The following UNC79 variants were observed in gnomAD, a reference collection of about 807,000 sequenced individuals.
UNC79 encodes protein unc-79 homolog.
UNC79 carries 37 observed loss-of-function variants against 283.1 expected under a neutral mutation model. The observed-to-expected ratio is 0.13, with a 90% CI of 0.10 to 0.17. The LOEUF is 0.17. Ranked by LOEUF, UNC79 falls within the 10% of genes least tolerant of loss-of-function variation. The pLI is 1.00. For missense variants in UNC79, 2,272 were observed against 3,211.1 expected (o/e 0.71, Z 7.07); for synonymous variants, 1,107 against 1,200.2 (o/e 0.92, Z 1.61).
chr14:93,524,019 G>T, exon 8 of UNC79: 2 of 1,614,124 alleles, frequency 1.2e-6, no homozygotes, highest in Non-Finnish European at 1.7e-6. Context: ...ATGCCACAAT[G>T]CAATTAACAA....
At position 93,601,329 on chromosome 14, in the gene UNC79, A is replaced by G. The variant is rs1194299381; in HGVS notation, c.3574+559A>G. On this transcript the variant is annotated intron_variant, in intron 25 of 48. Transcript: ENST00000555664. ...TTTGCATCCTCATAGCTTAGCTCCC[A>G]CTTACAAGTGAGAACATACGATATT... Among the ~76,000 whole-genome samples, 7 of 149,866 alleles carry G rather than the reference A, an allele frequency of 4.7e-5. No individual in the cohort carries two copies. In the Admixed American group the frequency reaches 4.7e-4, roughly 10 times the overall value.
At chr14:93,425,168 G>A (rs1241817725) in intron 1 of UNC79, among the ~76,000 whole-genome samples, 1 of 152,134 alleles carries the variant, frequency 6.6e-6, no homozygotes, top group Non-Finnish European at 1.5e-5. Flanking sequence ...CAATCATGGT[G>A]GAAGGGGAAG....
At chr14:93,692,703 G>A (rs921175402) in intron 46 of UNC79, among the ~76,000 whole-genome samples, 1 of 152,192 alleles carries the variant, frequency 6.6e-6, no homozygotes, top group Non-Finnish European at 1.5e-5. Flanking sequence ...CAAGAAAGGG[G>A]CTGTTCCAGA....
Position 93,582,810 on chromosome 14 carries a change from C to T in UNC79, c.2803+466C>T, listed in dbSNP as rs547675145. Among the ~76,000 whole-genome samples the T allele has an allele frequency of 1.7e-3, 262 of 152,086 alleles. 3 individuals are homozygous for T. Among genetic ancestry groups the T allele is most frequent in the African/African-American group, 6.0e-3 (250 of 41,478 alleles). ...ATTTGTCTCAAAGCTCTTGGGTGGA[C>T]GCAATGGGGGCAGTGAGATGGCAGA... On this transcript the variant is annotated intron_variant, in intron 20 of 48. Transcript: ENST00000555664.
intron 7 of UNC79, among the ~76,000 whole-genome samples, chr14:93,508,642 C>T (rs1431709871): frequency 1.3e-5 from 2 of 151,874 alleles, no homozygotes; most frequent in African/African-American, 4.8e-5. Context: ...TTTTTTATGC[C>T]ATTGTAAATG....
rs542091000 is a variant in UNC79, at chr14:93,474,281, G to A, written c.336G>A (p.Pro112=). Residue 112 remains proline (P), a synonymous_variant, in exon 3 of 49, where the codon CCG becomes CCA. Transcript: ENST00000555664. This position sits in a 1 kb window ranked among gnomAD's most constrained non-coding sequence, Gnocchi z 4.1. Reference sequence around the variant, plus strand: ...GAGATGCTCCCTCAGAACGCGGCCCGCAAAGTCGTGATGCTCAGTTGTCAG... The same window carrying A: ...GAGATGCTCCCTCAGAACGCGGCCCACAAAGTCGTGATGCTCAGTTGTCAG... 26 of 1,535,948 alleles carry A rather than the reference G, an allele frequency of 1.7e-5. No homozygotes were observed. Among genetic ancestry groups the A allele is most frequent in the East Asian group, 7.3e-5 (3 of 40,916 alleles).
At chr14:93,504,348 A>T (rs2059433416) in intron 7 of UNC79, among the ~76,000 whole-genome samples, 1 of 151,956 alleles carries the variant, frequency 6.6e-6, no homozygotes, top group African/African-American at 2.4e-5. Context: ...TGTCAAGTTA[A>T]ACATATACAA....
intron 10 of UNC79, among the ~76,000 whole-genome samples, chr14:93,530,864 G>C (rs1486079901): frequency 6.6e-6 from 1 of 150,796 alleles, no homozygotes; most frequent in Non-Finnish European, 1.5e-5. Flanking sequence ...AGCCGAGATC[G>C]CCCCACTGCA....
chr14:93,593,564 A>G (rs1292009578), intron 22 of UNC79, 116 bp from the exon 23 acceptor site: 10 of 1,271,472 alleles, frequency 7.9e-6, no homozygotes, highest in Non-Finnish European at 1.1e-5. Context: ...TCATTTCACC[A>G]AAAGCACCCC....
chr14:93,565,394 T>C (rs1184478675), intron 14 of UNC79, among the ~76,000 whole-genome samples: 1 of 152,062 alleles, frequency 6.6e-6, no homozygotes, highest in Non-Finnish European at 1.5e-5. Flanking sequence ...ATAGACAAGG[T>C]GAGCTATTTT....
chr14:93,347,154 C>T, intron 1 of UNC79: 2 of 1,298,414 alleles, frequency 1.5e-6, no homozygotes, highest in Non-Finnish European at 2.1e-6. Flanking sequence ...CAGAGCGCCC[C>T]CTCGTGGCTG....
intron 40 of UNC79, 80 bp downstream of exon 43, chr14:93,662,794 CT>C (rs1229963441): frequency 2.7e-6 from 3 of 1,099,344 alleles, no homozygotes; most frequent in Non-Finnish European, 3.9e-6. Flanking sequence ...TGTCAAGTCC[CT>C]TTTAGCTCAG....
At chr14:93,506,763 A>G (rs1332056198) in intron 7 of UNC79, among the ~76,000 whole-genome samples, 2 of 152,178 alleles carry the variant, frequency 1.3e-5, no homozygotes, top group Non-Finnish European at 2.9e-5. Flanking sequence ...TTATTAAGGT[A>G]TATTTTACAT....
chr14:93,477,081 C>T (rs1454785428), intron 3 of UNC79, among the ~76,000 whole-genome samples: 2 of 152,148 alleles, frequency 1.3e-5, no homozygotes, highest in East Asian at 3.9e-4. Flanking sequence ...CTTACGGCTT[C>T]CCTTGTTTGG....
At chr14:93,591,149 C>T (rs1474327825) in intron 22 of UNC79, among the ~76,000 whole-genome samples, 1 of 152,152 alleles carries the variant, frequency 6.6e-6, no homozygotes, top group Non-Finnish European at 1.5e-5. Context: ...AAAAATCACT[C>T]CTTTTCATTC....
At chr14:93,526,666 C>A (rs1009743055) in intron 8 of UNC79, among the ~76,000 whole-genome samples, 3 of 152,146 alleles carry the variant, frequency 2.0e-5, no homozygotes, top group Non-Finnish European at 4.4e-5. Flanking sequence ...CCAACCTGTT[C>A]AGACTAGAAC....
intron 1 of UNC79, among the ~76,000 whole-genome samples, chr14:93,415,913 T>C (rs2055444029): frequency 6.6e-6 from 1 of 152,226 alleles, no homozygotes; most frequent in Non-Finnish European, 1.5e-5. Context: ...TTCTATCTTT[T>C]CTTCTTTATT....
At chr14:93,428,134 C>T (rs781347745), upstream of UNC79, among the ~76,000 whole-genome samples, 3 of 151,964 alleles carry the variant, frequency 2.0e-5, no homozygotes, top group Non-Finnish European at 2.9e-5. Flanking sequence ...TTGAAGTAAC[C>T]TGTTTCAGCC....
intron 1 of UNC79, among the ~76,000 whole-genome samples, chr14:93,419,956 C>G (rs1260942671): frequency 1.3e-5 from 2 of 151,310 alleles, no homozygotes; most frequent in Admixed American, 1.3e-4. Flanking sequence ...CCTAATCACT[C>G]TCTATTATTC....
Sources: allele counts gnomAD v4.1 joint callset (sites outside exome capture counted in the v4.1 genomes callset), GRCh38; gene constraint gnomAD v4.1.1; non-coding constraint Gnocchi (gnomAD v3.1); transcripts MANE v1.5; gene names NCBI Gene and HGNC (gene_info 2026-07-23, HGNC 2026-07-21).